Variants in ADCK1 observed in about 807,000 individuals in gnomAD.
The protein encoded by ADCK1 is aarF domain containing kinase 1, also known as aarF domain-containing protein kinase 1.
ADCK1 carries 41 observed loss-of-function variants against 52.3 expected under a neutral mutation model. That is an observed-to-expected ratio of 0.78 (90% CI 0.61 to 1.02). The LOEUF (loss-of-function observed/expected upper bound fraction) is 1.02. Ranked by LOEUF, ADCK1 falls within the 50% of genes least tolerant of loss-of-function variation. The pLI, the probability that ADCK1 is intolerant of heterozygous loss-of-function variation, is 0.00. For synonymous variants in ADCK1, 250 were observed against 274.6 expected (o/e 0.91, Z 0.89); for missense variants, 658 against 679.5 (o/e 0.97, Z 0.35).
Position 77,915,773 on chromosome 14 carries a change from T to C in ADCK1, c.858+7854T>C, listed in dbSNP as rs2083910320. Among the ~76,000 whole-genome samples, 9 of 152,296 alleles carry C rather than the reference T, an allele frequency of 5.9e-5. No homozygotes were observed. The South Asian group carries it at 1.9e-3, about 32-fold the overall frequency. On this transcript the variant is annotated intron_variant, in intron 7 of 10. Coordinates refer to ENST00000238561, the MANE Select transcript of ADCK1 (RefSeq NM_020421.4). ...AGCAAAGGTGTCAGGAGTGAGTAACTGTGTTGTTGTGGAGTTGGCCTTCCT... is the reference window on the plus strand; with the variant it reads ...AGCAAAGGTGTCAGGAGTGAGTAACCGTGTTGTTGTGGAGTTGGCCTTCCT...
chr14:77,888,339 G>T (rs1215642084), intron 5 of ADCK1, among the ~76,000 whole-genome samples: 1 of 152,066 alleles, frequency 6.6e-6, no homozygotes, highest in Non-Finnish European at 1.5e-5. Flanking sequence ...GAACACGGGG[G>T]GTTTGTATTC....
chr14:77,834,101 A>G (rs577473519), intron 3 of ADCK1, among the ~76,000 whole-genome samples: 17 of 152,236 alleles, frequency 1.1e-4, no homozygotes, highest in East Asian at 1.9e-4. Flanking sequence ...ATTAAGCAGT[A>G]TTTTCAATTC....
intron 9 of ADCK1, 108 bp downstream of exon 9, chr14:77,926,069 G>A (rs1395129475): frequency 1.5e-6 from 2 of 1,302,830 alleles, no homozygotes; most frequent in Non-Finnish European, 2.2e-6. Flanking sequence ...CTGGTGGGCT[G>A]TGTGTTGGGG....
chr14:77,813,160 G>C (rs1381204712), intron 1 of ADCK1, among the ~76,000 whole-genome samples: 1 of 151,592 alleles, frequency 6.6e-6, no homozygotes, highest in Non-Finnish European at 1.5e-5. Context: ...GCGCCACCAT[G>C]CCTGGCTAAT....
chr14:77,864,311 C>T (rs2082616610), intron 4 of ADCK1, among the ~76,000 whole-genome samples: 2 of 152,130 alleles, frequency 1.3e-5, no homozygotes, highest in Non-Finnish European at 2.9e-5. Flanking sequence ...AGCAAATGTT[C>T]AGAAAAGAGA....
intron 1 of ADCK1, among the ~76,000 whole-genome samples, chr14:77,808,171 A>G (rs1203850233): frequency 6.6e-6 from 1 of 152,212 alleles, no homozygotes; most frequent in Non-Finnish European, 1.5e-5. Context: ...AGATCAAGAG[A>G]GGAGACCTGT....
chr14:77,888,556 C>T (rs542871900), intron 5 of ADCK1, among the ~76,000 whole-genome samples: 13 of 152,022 alleles, frequency 8.6e-5, no homozygotes, highest in African/African-American at 2.2e-4. Flanking sequence ...AGCCAGGAGA[C>T]GAATTGAGCT....
Position 77,921,787 on chromosome 14 carries a change from A to C in ADCK1, c.859-2670A>C, listed in dbSNP as rs180953857. 2.0e-5 allele frequency among the ~76,000 whole-genome samples: 3 copies of C among 151,998 alleles called. No homozygotes were observed. The East Asian group carries it at 5.8e-4, about 30-fold the overall frequency. On this transcript the variant is annotated intron_variant, in intron 7 of 10. Transcript: ENST00000238561. ...CACCCTTCCCAACCCCACCAGCAGC[A>C]GCTCACTCCTCAGAGGCAAGGGCTC...
At chr14:77,911,109 C>T (rs1227703393) in intron 7 of ADCK1, among the ~76,000 whole-genome samples, 3 of 152,210 alleles carry the variant, frequency 2.0e-5, no homozygotes, top group Non-Finnish European at 4.4e-5. Context: ...GCATATGACA[C>T]ACATAATCTC....
At chr14:77,827,585 G>C (rs2140053378) in intron 3 of ADCK1, among the ~76,000 whole-genome samples, 1 of 151,402 alleles carries the variant, frequency 6.6e-6, no homozygotes, top group East Asian at 1.9e-4. Flanking sequence ...TTTTTCTATG[G>C]CCCTCAGTTT....
intron 3 of ADCK1, among the ~76,000 whole-genome samples, chr14:77,856,588 G>T (rs1245168288): frequency 6.6e-5 from 10 of 152,180 alleles, no homozygotes; most frequent in African/African-American, 1.7e-4. Flanking sequence ...TATGGTAAAG[G>T]ATTGCCCTCC....
chr14:77,875,523 T>A (rs1346928185), intron 4 of ADCK1, among the ~76,000 whole-genome samples: 1 of 152,054 alleles, frequency 6.6e-6, no homozygotes, highest in Non-Finnish European at 1.5e-5. Context: ...CACCCTGATC[T>A]AATGAGAGCT....
intron 4 of ADCK1, among the ~76,000 whole-genome samples, chr14:77,877,426 G>A (rs1407476813): frequency 6.6e-6 from 1 of 152,196 alleles, no homozygotes; most frequent in Non-Finnish European, 1.5e-5. Flanking sequence ...AGGCCTTTGG[G>A]GTTTTGTGAG....
At chr14:77,837,682 CAGCA>C (rs2081990108) in intron 3 of ADCK1, among the ~76,000 whole-genome samples, 2 of 152,218 alleles carry the variant, frequency 1.3e-5, no homozygotes, top group Admixed American at 1.3e-4. Context: ...GTGGTCCATA[CAGCA>C]TGGGGTTCTG....
At chr14:77,896,888 G>A (rs1566713187) in intron 5 of ADCK1, among the ~76,000 whole-genome samples, 1 of 152,170 alleles carries the variant, frequency 6.6e-6, no homozygotes, top group African/African-American at 2.4e-5. Context: ...ATGATAACAC[G>A]GTGCGATGAT....
chr14:77,884,209 A>G (rs2083097645), intron 4 of ADCK1, among the ~76,000 whole-genome samples: 1 of 152,198 alleles, frequency 6.6e-6, no homozygotes, highest in African/African-American at 2.4e-5. Flanking sequence ...TGACCCCCAA[A>G]TCCCTTTTCA....
In ADCK1 at chr14:77,810,037, CA is replaced by C. The variant is rs558244331; in HGVS notation, c.-11-8910del. 8.6e-3 allele frequency among the ~76,000 whole-genome samples: 925 copies of C among 107,836 alleles called. 3 individuals are homozygous for C. The highest frequency in any genetic ancestry group is 0.03 in the African/African-American group (784 of 25,786). The allele number at this position is 107,836 out of a possible 152,430, so 70.7% of individuals were successfully genotyped here. The stretch of plus-strand genomic sequence containing the variant: ...TGGGTGACAGAGTGAGACTCTGTCT[CA>C]AAAAAAAAAAAAAAAAAAAATTACA... On this transcript the variant is annotated intron_variant, in intron 1 of 10. Transcript: ENST00000238561.
intron 1 of ADCK1, among the ~76,000 whole-genome samples, chr14:77,800,391 C>T (rs1278166106): frequency 2.6e-5 from 4 of 152,260 alleles, no homozygotes; most frequent in Non-Finnish European, 5.9e-5. Flanking sequence ...CGCATTGCCC[C>T]GCCCCCCTGC....
intron 7 of ADCK1, among the ~76,000 whole-genome samples, chr14:77,910,724 G>A (rs142269200): frequency 6.6e-6 from 1 of 152,212 alleles, no homozygotes; most frequent in Non-Finnish European, 1.5e-5. Flanking sequence ...AGAAAGGTGC[G>A]CTCTGGGTAG....
Sources: allele counts gnomAD v4.1 joint callset (sites outside exome capture counted in the v4.1 genomes callset), GRCh38; gene constraint gnomAD v4.1.1; transcripts MANE v1.5; gene names NCBI Gene and HGNC (gene_info 2026-07-23, HGNC 2026-07-21).